TNFRSF21: variants seen among roughly 807,000 people sequenced by gnomAD.
The protein encoded by TNFRSF21 is TNF receptor superfamily member 21.
TNFRSF21 carries 19 observed loss-of-function variants against 45.6 expected under a neutral mutation model. That is an observed-to-expected ratio of 0.42 (90% confidence interval 0.29 to 0.61). TNFRSF21 has a LOEUF of 0.61. TNFRSF21 is among the 20% of genes least tolerant of loss of function. The probability of loss-of-function intolerance (pLI) is 0.23; values close to 1 mark genes in which losing one functional copy is unlikely to be tolerated. For synonymous variants in TNFRSF21, 314 were observed against 335.5 expected, an observed-to-expected ratio of 0.94 and a Z score of 0.70; for missense variants, 737 against 851.5, an observed-to-expected ratio of 0.87 and a Z score of 1.67.
At chr6:47,295,417 C>A (rs1561952310) in intron 1 of TNFRSF21, among the ~76,000 whole-genome samples, 1 of 152,174 alleles carries the variant, frequency 6.6e-6, no homozygotes, top group Non-Finnish European at 1.5e-5. Flanking sequence ...TCATAAAGGG[C>A]AGGCAGAGAG....
At chr6:47,237,041 T>C (rs1227353045) in intron 4 of TNFRSF21, among the ~76,000 whole-genome samples, 1 of 152,122 alleles carries the variant, frequency 6.6e-6, no homozygotes, top group Admixed American at 6.5e-5. Flanking sequence ...TCCGACATAA[T>C]TGGAAAGACA....
intron 3 of TNFRSF21, among the ~76,000 whole-genome samples, chr6:47,264,347 G>A (rs1242215589): frequency 6.6e-6 from 1 of 152,144 alleles, no homozygotes; most frequent in Non-Finnish European, 1.5e-5. Flanking sequence ...GGCCGACATG[G>A]CGAAACCCTG....
chr6:47,262,555 G>A (rs1765088615), intron 3 of TNFRSF21, among the ~76,000 whole-genome samples: 1 of 152,204 alleles, frequency 6.6e-6, no homozygotes, highest in Non-Finnish European at 1.5e-5. Flanking sequence ...AGATAGGGAG[G>A]AGAGCTAAGG....
At chr6:47,268,829 C>G (rs1162341424) in intron 3 of TNFRSF21, among the ~76,000 whole-genome samples, 2 of 152,158 alleles carry the variant, frequency 1.3e-5, no homozygotes, top group Non-Finnish European at 2.9e-5. Context: ...CTGATAAGGG[C>G]CAAAGGGCTA....
intron 3 of TNFRSF21, among the ~76,000 whole-genome samples, chr6:47,282,106 C>T (rs939460190): frequency 1.3e-5 from 2 of 152,112 alleles, no homozygotes; most frequent in African/African-American, 2.4e-5. Flanking sequence ...ACAAAAAACG[C>T]TGGGCAAGGT....
intron 3 of TNFRSF21, among the ~76,000 whole-genome samples, chr6:47,264,472 G>T (rs1213896262): frequency 7.5e-6 from 1 of 133,610 alleles, no homozygotes; most frequent in African/African-American, 2.9e-5. Flanking sequence ...CTGAGATCGC[G>T]CCACTGCACT....
At chr6:47,248,507 A>T (rs1195912274) in intron 4 of TNFRSF21, among the ~76,000 whole-genome samples, 1 of 152,220 alleles carries the variant, frequency 6.6e-6, no homozygotes, top group Non-Finnish European at 1.5e-5. Flanking sequence ...AAACATAGAA[A>T]ACCAAATCAT....
In TNFRSF21 at chr6:47,278,555, A is replaced by C. The variant is rs150973613; in HGVS notation, c.1243+5383T>G. Among the ~76,000 whole-genome samples the C allele has an allele frequency of 9.6e-4, 146 of 152,304 alleles. 1 individual carries two copies. The highest frequency in any genetic ancestry group is 3.2e-3 in the African/African-American group (131 of 41,576). ...TAGTGGTTACCATATGTGCTAGCTC[A>C]GCTCTGGACCACCCCTCCTCAAGCC... On this transcript the variant is annotated intron_variant, in intron 3 of 5. Coordinates refer to ENST00000296861, the MANE Select transcript of TNFRSF21 (RefSeq NM_014452.5).
At chr6:47,264,005 G>A (rs9473045) in intron 3 of TNFRSF21, among the ~76,000 whole-genome samples, 63,054 of 151,992 alleles carry the variant, frequency 0.41, 14,031 homozygotes, top group African/African-American at 0.59. Flanking sequence ...TTAGCCACCA[G>A]TTACTCATGA....
chr6:47,295,519 C>T (rs1472462141), intron 1 of TNFRSF21, among the ~76,000 whole-genome samples: 2 of 152,132 alleles, frequency 1.3e-5, no homozygotes, highest in Admixed American at 1.3e-4. Flanking sequence ...GATAATGCAA[C>T]CAAGTTATTC....
intron 3 of TNFRSF21, among the ~76,000 whole-genome samples, chr6:47,276,774 G>A (rs950425661): frequency 2.0e-5 from 3 of 152,178 alleles, no homozygotes; most frequent in Admixed American, 1.3e-4. Flanking sequence ...GGAAAATATT[G>A]TTTTGGACAG....
rs1161904545 is a variant in TNFRSF21 at position 47,295,439 on chromosome 6, G to A, written c.97-8844C>T. On this transcript the variant is annotated intron_variant, in intron 1 of 5. Coordinates refer to ENST00000296861, the MANE Select transcript of TNFRSF21 (RefSeq NM_014452.5). Reference sequence around the variant, plus strand: ...GGGCAGGCAGAGAGACTGCCTATGAGTTTGTTGTAGAATTTTTCAATGCTG... The same window carrying A: ...GGGCAGGCAGAGAGACTGCCTATGAATTTGTTGTAGAATTTTTCAATGCTG... 3.3e-5 allele frequency among the ~76,000 whole-genome samples: 5 copies of A among 152,182 alleles called. No homozygotes were observed. In the East Asian group the frequency reaches 7.7e-4, roughly 23 times the overall value.
chr6:47,269,357 A>G lies in TNFRSF21; in HGVS notation c.1243+14581T>C, dbSNP rs559570440. On this transcript the variant is annotated intron_variant, in intron 3 of 5. Coordinates refer to ENST00000296861, the MANE Select transcript of TNFRSF21 (RefSeq NM_014452.5). ...ATATTACTAAAGCCTAGTAAGCCCT[A>G]GTCCTGGAACAGTGCCTTGAACATG... Among the ~76,000 whole-genome samples the G allele has an allele frequency of 5.8e-4, 88 of 152,368 alleles. 1 individual carries two copies. Among genetic ancestry groups the G allele is most frequent in the African/African-American group, 2.0e-3 (83 of 41,590 alleles).
intron 3 of TNFRSF21, among the ~76,000 whole-genome samples, chr6:47,261,548 T>C (rs1390062716): frequency 1.3e-5 from 2 of 152,160 alleles, no homozygotes; most frequent in Non-Finnish European, 2.9e-5. Context: ...ATCTCTAGCC[T>C]CTATAATAAT....
At chr6:47,291,017 T>C (rs775718551) in intron 1 of TNFRSF21, among the ~76,000 whole-genome samples, 17 of 152,140 alleles carry the variant, frequency 1.1e-4, no homozygotes, top group Non-Finnish European at 2.2e-4. Flanking sequence ...CAGAATCCTA[T>C]GAGAGGGAAT....
rs1396525504 is a variant in TNFRSF21 at position 47,253,395 on chromosome 6, T to G, written c.1370A>C (p.Glu457Ala). The change falls in exon 4 of 6, where the codon GAG (glutamate) becomes GCG (alanine). Residue 457 changes from glutamate to alanine, a missense_variant. Transcript: ENST00000296861. ...GTGCTGCAGAGCTGCGTAGGCCCGC[T>G]CGTGGTCGGCTGTGTACCCATTGGA... Reference protein sequence around the residue: ...AFSNGYTADHERAYAALQHWT... With the variant: ...AFSNGYTADHARAYAALQHWT... 6.2e-7 allele frequency: 1 copy of G among 1,614,188 alleles called. No homozygotes were observed. Among genetic ancestry groups the G allele is most frequent in the Non-Finnish European group, 8.5e-7 (1 of 1,180,024 alleles).
Position 47,309,532 on chromosome 6 carries a change from G to A in TNFRSF21, c.-21C>T. 7.1e-7 allele frequency: 1 copy of A among 1,406,472 alleles called. No homozygotes were observed. The highest frequency in any genetic ancestry group is 9.2e-7 in the Non-Finnish European group (1 of 1,087,858). The allele number at this position is 1,406,472 out of a possible 1,614,324, so 87.1% of individuals were successfully genotyped here. On this transcript the variant is annotated 5_prime_UTR_variant, in exon 1 of 6. Transcript: ENST00000296861. ...CCCATGGCTGAACCGGGGACTCGCA[G>A]GGGCGCCCGGGGCGCGCGGGGCAGC... is the stretch of plus-strand genomic sequence containing the variant.
intron 3 of TNFRSF21, among the ~76,000 whole-genome samples, chr6:47,263,768 A>T (rs1480751632): frequency 6.6e-6 from 1 of 152,206 alleles, no homozygotes; most frequent in African/African-American, 2.4e-5. Context: ...AAGACACCTG[A>T]ATGTATATTT....
intron 3 of TNFRSF21, among the ~76,000 whole-genome samples, chr6:47,271,857 G>T (rs550769566): frequency 1.3e-5 from 2 of 152,064 alleles, no homozygotes; most frequent in Admixed American, 6.6e-5. Context: ...AAAAGTAGGG[G>T]TTGCAATCCT....
Sources: allele counts gnomAD v4.1 joint callset (sites outside exome capture counted in the v4.1 genomes callset), GRCh38; gene constraint gnomAD v4.1.1; transcripts MANE v1.5; gene names NCBI Gene and HGNC (gene_info 2026-07-23, HGNC 2026-07-21).